Variants in POR observed in about 807,000 individuals in gnomAD.
POR encodes cytochrome p450 oxidoreductase, also known as NADPH--cytochrome P450 reductase.
A neutral mutation model predicts 84.0 loss-of-function variants in POR; 56 were observed. The observed-to-expected ratio is 0.67, with a 90% CI of 0.54 to 0.83. The LOEUF (loss-of-function observed/expected upper bound fraction) is 0.83. POR is among the 40% of genes least tolerant of loss of function. POR has a pLI of 0.00. For missense variants in POR, 938 were observed against 944.3 expected (o/e 0.99, Z 0.09); for synonymous variants, 414 against 400.5 (o/e 1.03, Z -0.40).
chr7:75,986,331 GC>G lies in POR; in HGVS notation c.1899-3del. On this transcript the variant is annotated splice_polypyrimidine_tract_variant and splice_region_variant and intron_variant, in intron 15 of 15. Transcript: ENST00000461988. ...CCAGCCCCCAGCACCCCCTCTTCCTGCCCAGGGATGCACGGAACATGGCCAG... is the reference window on the plus strand; with the variant it reads ...CCAGCCCCCAGCACCCCCTCTTCCTGCCAGGGATGCACGGAACATGGCCAG... 3.7e-6 allele frequency: 6 copies of G among 1,612,668 alleles called. No individual in the cohort carries two copies. Among genetic ancestry groups the G allele is most frequent in the Non-Finnish European group, 4.2e-6 (5 of 1,179,868 alleles).
chr7:75,958,666 G>A (rs368361398), intron 2 of POR, among the ~76,000 whole-genome samples: 1 of 151,922 alleles, frequency 6.6e-6, no homozygotes, highest in South Asian at 2.1e-4. Flanking sequence ...GGCCTCCTAC[G>A]ATAGTGTTAG....
chr7:75,937,070 G>A (rs1402411361), intron 1 of POR, among the ~76,000 whole-genome samples: 7 of 151,282 alleles, frequency 4.6e-5, no homozygotes, highest in African/African-American at 7.3e-5. Context: ...TTCGTGATCC[G>A]CCTGCCTCGG....
chr7:75,984,880 C>T lies in POR; in HGVS notation c.1170C>T (p.Tyr390=), dbSNP rs72557927. The T allele has an allele frequency of 1.4e-5, 23 of 1,612,516 alleles. No individual in the cohort carries two copies. In the African/African-American group the frequency reaches 1.5e-4, roughly 10 times the overall value. Reference sequence around the variant, plus strand: ...ACCCGCCGCGTACCAACGTGCTGTACGAGCTGGCGCAGTACGCCTCGGAGC... The same window carrying T: ...ACCCGCCGCGTACCAACGTGCTGTATGAGCTGGCGCAGTACGCCTCGGAGC... Residue 390 remains tyrosine (Y), a synonymous_variant, in exon 11 of 16, where the codon TAC becomes TAT. Transcript: ENST00000461988.
chr7:75,927,083 A>G (rs1554549607), intron 1 of POR, among the ~76,000 whole-genome samples: 1 of 152,234 alleles, frequency 6.6e-6, no homozygotes, highest in Non-Finnish European at 1.5e-5. Context: ...CTCTGGAGAC[A>G]GTTGGTCTGG....
At chr7:75,931,731 A>G (rs1807432876) in intron 1 of POR, among the ~76,000 whole-genome samples, 1 of 151,550 alleles carries the variant, frequency 6.6e-6, no homozygotes, top group African/African-American at 2.4e-5. Context: ...GCTCTTCCCC[A>G]CTCTGTCTCC....
chr7:75,970,933 G>A (rs1211805419), intron 2 of POR: 1 of 6,068 alleles, frequency 1.6e-4, no homozygotes, highest in Non-Finnish European at 8.5e-4. Context: ...TTCCTTTAAT[G>A]GCGTTTTTTA....
At chr7:75,978,824 T>C (rs1396325107) in intron 3 of POR, among the ~76,000 whole-genome samples, 2 of 149,254 alleles carry the variant, frequency 1.3e-5, no homozygotes, top group African/African-American at 5.0e-5. Context: ...GGAGGTGGAG[T>C]CTTGCTCTGT....
intron 2 of POR, among the ~76,000 whole-genome samples, chr7:75,972,192 G>C (rs1788473846): frequency 6.6e-6 from 1 of 152,188 alleles, no homozygotes; most frequent in Non-Finnish European, 1.5e-5. Context: ...GGGGAAATGG[G>C]AAGGGTGAGC....
At position 75,983,621 on chromosome 7, in the gene POR, C is replaced by T. The variant is rs1263485409; in HGVS notation, c.932C>T (p.Ser311Leu). ...CTCATGCACCTGGAATTGGACATCT[C>T]GGACTCCAAAATCAGGTACCAGCTG... The change falls in exon 9 of 16, where the codon TCG (serine) becomes TTG (leucine). Residue 311 changes from serine (S) to leucine (L), a missense_variant. By Grantham distance (145) the Ser-to-Leu change is moderately radical. Coordinates refer to ENST00000461988, the MANE Select transcript of POR (RefSeq NM_000941.3). 5 of 1,612,848 alleles carry T rather than the reference C, an allele frequency of 3.1e-6. No individual in the cohort carries two copies. The Admixed American group carries it at 5.0e-5, about 16-fold the overall frequency.
At chr7:75,980,896 TC>T in intron 5 of POR, 151 bp from the exon 6 acceptor site, 1 of 1,112,440 alleles carries the variant, frequency 9.0e-7, no homozygotes, top group East Asian at 2.6e-5. Context: ...GGCCCAGTGT[TC>T]CTTGCAGTGC....
chr7:75,950,729 C>A (rs116526751), intron 1 of POR, among the ~76,000 whole-genome samples: 2,253 of 152,286 alleles, frequency 0.015, 45 homozygotes, highest in African/African-American at 0.044. Flanking sequence ...AAATAGTTTT[C>A]TCTGGGGACA....
chr7:75,962,314 G>A (rs2116472213), intron 2 of POR, among the ~76,000 whole-genome samples: 1 of 151,600 alleles, frequency 6.6e-6, no homozygotes, highest in Admixed American at 6.6e-5. Context: ...TTTTTTTTGA[G>A]ACAGGGTCTT....
intron 1 of POR, among the ~76,000 whole-genome samples, chr7:75,920,165 A>C (rs1806783725): frequency 6.9e-6 from 1 of 144,148 alleles, no homozygotes; most frequent in Non-Finnish European, 1.5e-5. Flanking sequence ...TTCCAGGTTC[A>C]AGCAATTCTT....
intron 3 of POR, among the ~76,000 whole-genome samples, chr7:75,978,258 G>T (rs1585125849): frequency 6.6e-6 from 1 of 152,102 alleles, no homozygotes; most frequent in South Asian, 2.1e-4. Context: ...CTGCATATCC[G>T]TGAGTTCGGA....
chr7:75,967,303 C>T lies in POR; in HGVS notation c.189-5110C>T, dbSNP rs556622459. Among the ~76,000 whole-genome samples the T allele has an allele frequency of 3.1e-4, 47 of 152,286 alleles. No homozygotes were observed. In the South Asian group the frequency reaches 9.5e-3, roughly 31 times the overall value. On this transcript the variant is annotated intron_variant, in intron 2 of 15. Coordinates refer to ENST00000461988, the MANE Select transcript of POR (RefSeq NM_000941.3). ...TGGGCTTTCGGATGGGCTGTTTGCA[C>T]TCGGGAACCTCAGAAGGGTGCTCCC...
intron 1 of POR, among the ~76,000 whole-genome samples, chr7:75,922,177 G>T (rs1806906185): frequency 6.6e-6 from 1 of 152,150 alleles, no homozygotes; most frequent in Non-Finnish European, 1.5e-5. Flanking sequence ...GTAAGCTGGG[G>T]CATAGAACAA....
chr7:75,924,133 G>A (rs1807005181), intron 1 of POR, among the ~76,000 whole-genome samples: 1 of 152,032 alleles, frequency 6.6e-6, no homozygotes, highest in African/African-American at 2.4e-5. Context: ...AGTCGACCAA[G>A]CCCGGGGACA....
In POR at chr7:75,982,277, A is replaced by G; in HGVS notation, c.785A>G (p.Tyr262Cys). 6.2e-7 allele frequency: 1 copy of G among 1,612,942 alleles called. No individual in the cohort carries two copies. Residue 262 changes from tyrosine to cysteine, a missense_variant, in exon 8 of 16, where the codon TAC becomes TGC. Tyr to Cys is a radical substitution (Grantham distance 194). Coordinates refer to ENST00000461988, the MANE Select transcript of POR (RefSeq NM_000941.3). ...ACCGACATAGATGCGGCCAAGGTGT[A>G]CATGGGGGAGATGGGCCGGCTGAAG...
In POR at chr7:75,985,640, G is replaced by A. The variant is rs574381787; in HGVS notation, c.1460G>A (p.Arg487His). The A allele has an allele frequency of 3.4e-5, 54 of 1,592,440 alleles. No homozygotes were observed. In the South Asian group the frequency reaches 3.5e-4, roughly 10 times the overall value. The change falls in exon 13 of 16, where the codon CGC (arginine) becomes CAC (histidine). Residue 487 changes from arginine to histidine, a missense_variant. Transcript: ENST00000461988. ...GTGGAGTACGAGACCAAGGCTGGCC[G>A]CATCAACAAGGGCGTGGCCACCAAC...
Sources: gnomAD v4.1 joint callset for allele counts (sites outside exome capture counted in the v4.1 genomes callset) on GRCh38, gnomAD v4.1.1 for gene constraint, MANE v1.5 for transcripts, NCBI Gene and HGNC (gene_info 2026-07-23, HGNC 2026-07-21) for gene names.